The following VRK2 variants were observed in gnomAD, a reference collection of about 807,000 sequenced individuals.
The protein encoded by VRK2 is serine/threonine-protein kinase VRK2.
A neutral mutation model predicts 57.6 loss-of-function variants in VRK2; 60 were observed. The observed-to-expected ratio is 1.04, with a 90% CI of 0.85 to 1.29. VRK2 has a LOEUF of 1.29. VRK2 is among the 50% of genes most tolerant of loss of function. The probability of loss-of-function intolerance (pLI) is 0.00; values close to 1 mark genes in which losing one functional copy is unlikely to be tolerated. For missense variants in VRK2, 705 were observed against 588.1 expected, an observed-to-expected ratio of 1.20 and a Z score of -2.06; for synonymous variants, 231 against 199.2, an observed-to-expected ratio of 1.16 and a Z score of -1.35.
At chr2:57,940,488 A>C (rs1008609656) in intron 1 of VRK2, among the ~76,000 whole-genome samples, 1 of 152,164 alleles carries the variant, frequency 6.6e-6, no homozygotes, top group Non-Finnish European at 1.5e-5. Flanking sequence ...AGACAAAACC[A>C]GAAATAATAT....
chr2:58,098,343 A>C (rs1222255257), intron 7 of VRK2, among the ~76,000 whole-genome samples: 1 of 152,138 alleles, frequency 6.6e-6, no homozygotes, highest in African/African-American at 2.4e-5. Context: ...GCCTACGTGT[A>C]CAGTGTTTTA....
chr2:57,964,908 A>C (rs13020600), intron 1 of VRK2, among the ~76,000 whole-genome samples: 1 of 137,126 alleles, frequency 7.3e-6, no homozygotes, highest in African/African-American at 2.7e-5. Context: ...AAAAAAAAAA[A>C]CTGTCACTAT....
intron 7 of VRK2, among the ~76,000 whole-genome samples, chr2:58,097,850 A>T (rs938691605): frequency 1.3e-5 from 2 of 152,104 alleles, no homozygotes; most frequent in Non-Finnish European, 2.9e-5. Context: ...TTATATGTTT[A>T]TTTATTATAC....
intron 1 of VRK2, among the ~76,000 whole-genome samples, chr2:57,994,900 C>T (rs546714786): frequency 1.3e-5 from 2 of 151,970 alleles, no homozygotes; most frequent in African/African-American, 4.8e-5. Context: ...TTTTGAAAAT[C>T]GCTTTTAATG....
chr2:57,965,496 A>G (rs1189978384), intron 1 of VRK2, among the ~76,000 whole-genome samples: 1 of 152,204 alleles, frequency 6.6e-6, no homozygotes, highest in African/African-American at 2.4e-5. Flanking sequence ...ATCAAGCCTC[A>G]CTTATTACCA....
At chr2:57,935,102 A>C (rs1336914062) in intron 1 of VRK2, among the ~76,000 whole-genome samples, 1 of 152,138 alleles carries the variant, frequency 6.6e-6, no homozygotes, top group Non-Finnish European at 1.5e-5. Flanking sequence ...TGTGAGAATA[A>C]TTGGGGATTT....
intron 2 of VRK2, among the ~76,000 whole-genome samples, chr2:58,079,813 G>A (rs1037543601): frequency 2.0e-5 from 3 of 151,934 alleles, no homozygotes; most frequent in African/African-American, 7.2e-5. Context: ...ATATTTAGAA[G>A]CCATAATATG....
intron 1 of VRK2, among the ~76,000 whole-genome samples, chr2:57,939,400 T>C (rs2103952036): frequency 6.6e-6 from 1 of 152,296 alleles, no homozygotes; most frequent in Admixed American, 6.5e-5. Flanking sequence ...ATATTATTAT[T>C]CCTATATCAT....
At position 58,087,502 on chromosome 2, in the gene VRK2, A is replaced by G. The variant is rs146453379; in HGVS notation, c.345-839A>G. 2.0e-3 allele frequency among the ~76,000 whole-genome samples: 304 copies of G among 152,304 alleles called. 6 individuals carry two copies. The East Asian group carries it at 0.05, about 25-fold the overall frequency. Reference sequence around the variant, plus strand: ...AATATGATCACATTTTTGTAAAACAAATTCCTAAGTGTGTGTGTTTGTGTA... The same window carrying G: ...AATATGATCACATTTTTGTAAAACAGATTCCTAAGTGTGTGTGTTTGTGTA... On this transcript the variant is annotated intron_variant, in intron 5 of 12. Coordinates refer to ENST00000340157, the MANE Select transcript of VRK2 (RefSeq NM_006296.7).
At chr2:57,979,181 A>G (rs1174534639) in intron 1 of VRK2, among the ~76,000 whole-genome samples, 3 of 151,192 alleles carry the variant, frequency 2.0e-5, no homozygotes, top group Non-Finnish European at 4.4e-5. Context: ...GTATATACCC[A>G]GTAATGGGAT....
chr2:58,012,014 A>T (rs1454445152), intron 1 of VRK2, among the ~76,000 whole-genome samples: 1 of 152,208 alleles, frequency 6.6e-6, no homozygotes, highest in Non-Finnish European at 1.5e-5. Context: ...ACTGTAGAAC[A>T]CCAGACACTG....
At chr2:58,101,232 A>G (rs923939828) in intron 7 of VRK2, among the ~76,000 whole-genome samples, 1 of 151,782 alleles carries the variant, frequency 6.6e-6, no homozygotes. Context: ...TCCCTGCAGA[A>G]CAATGTGATT....
At chr2:58,140,676 C>T (rs1386566654) in intron 11 of VRK2, among the ~76,000 whole-genome samples, 1 of 151,978 alleles carries the variant, frequency 6.6e-6, no homozygotes, top group East Asian at 1.9e-4. Flanking sequence ...AATGGTGAGT[C>T]AAGTATCAGT....
chr2:58,070,242 G>C (rs1373729450), intron 2 of VRK2, among the ~76,000 whole-genome samples: 3 of 152,070 alleles, frequency 2.0e-5, no homozygotes, highest in Non-Finnish European at 2.9e-5. Flanking sequence ...TTGAGATGGA[G>C]TCTTGGTGTG....
At chr2:57,996,344 A>G (rs1448584617) in intron 1 of VRK2, among the ~76,000 whole-genome samples, 1 of 152,208 alleles carries the variant, frequency 6.6e-6, no homozygotes, top group Non-Finnish European at 1.5e-5. Context: ...TATTCTGAAA[A>G]CTGACAAAAT....
intron 2 of VRK2, among the ~76,000 whole-genome samples, chr2:58,063,594 T>C (rs1428209209): frequency 6.6e-6 from 1 of 152,082 alleles, no homozygotes; most frequent in Admixed American, 6.6e-5. Flanking sequence ...ACATTACTGC[T>C]TGTTGACAAT....
At chr2:57,941,282 T>C (rs551481365) in intron 1 of VRK2, among the ~76,000 whole-genome samples, 42 of 152,288 alleles carry the variant, frequency 2.8e-4, no homozygotes, top group Non-Finnish European at 6.0e-4. Flanking sequence ...AAAAAACATA[T>C]TAAGAGTGAC....
intron 1 of VRK2, among the ~76,000 whole-genome samples, chr2:57,918,976 G>C (rs1670245897): frequency 6.6e-6 from 1 of 152,120 alleles, no homozygotes; most frequent in South Asian, 2.1e-4. Flanking sequence ...AATTTTAAAA[G>C]TTGAATGTGG....
intron 1 of VRK2, among the ~76,000 whole-genome samples, chr2:57,986,127 G>C (rs955695313): frequency 6.6e-6 from 1 of 151,908 alleles, no homozygotes; most frequent in East Asian, 1.9e-4. Context: ...TGTTCTACTT[G>C]GGAGAGAAGC....
Sources: allele counts gnomAD v4.1 joint callset (sites outside exome capture counted in the v4.1 genomes callset), GRCh38; gene constraint gnomAD v4.1.1; transcripts MANE v1.5; gene names NCBI Gene and HGNC (gene_info 2026-07-23, HGNC 2026-07-21).